TRMT61A: variants seen among roughly 807,000 people sequenced by gnomAD.
TRMT61A encodes the protein tRNA (adenine(58)-N(1))-methyltransferase catalytic subunit TRMT61A.
A neutral mutation model predicts 21.3 loss-of-function variants in TRMT61A; 15 were observed. The ratio of observed to expected loss-of-function variants is 0.70; its 90% CI spans 0.47 to 1.08. TRMT61A has a LOEUF of 1.08. Among genes scored for constraint, TRMT61A ranks in the 50% least tolerant of loss-of-function variants. The probability of loss-of-function intolerance (pLI) is 0.00; values close to 1 mark genes in which losing one functional copy is unlikely to be tolerated. For missense variants in TRMT61A, 352 were observed against 426.7 expected (o/e 0.83, Z 1.54); for synonymous variants, 183 against 185.5 (o/e 0.99, Z 0.11).
chr14:103,534,529 C>A, intron 3 of TRMT61A, 21 bp from the exon 4 acceptor site: 1 of 1,541,320 alleles, frequency 6.5e-7, no homozygotes, highest in Non-Finnish European at 8.8e-7. Context: ...CCCTCTGACC[C>A]TCGGGTCCTG....
In TRMT61A at chr14:103,530,197, C is replaced by G. The variant is rs747027582; in HGVS notation, c.219C>G (p.Pro73=). 23 of 1,612,286 alleles carry G rather than the reference C, an allele frequency of 1.4e-5. No individual in the cohort carries two copies. Among genetic ancestry groups the G allele is most frequent in the African/African-American group, 2.7e-5 (2 of 74,936 alleles). Residue 73 remains proline, a synonymous_variant, in exon 2 of 4, where the codon CCC becomes CCG. Transcript: ENST00000389749. ...GGWVYVLHPT[P]ELWTLNLPHR... ...GGGTGTATGTGCTGCACCCCACGCC[C>G]GAGCTCTGGACGCTGAACCTGCCGC...
chr14:103,529,297 G>C, intron 1 of TRMT61A, 36 bp downstream of exon 1: 1 of 245,338 alleles, frequency 4.1e-6, no homozygotes, highest in South Asian at 3.2e-5. Flanking sequence ...GCAGGGCGCG[G>C]GTGAGGGTGA....
chr14:103,535,201 C>T lies in TRMT61A; in HGVS notation c.*380C>T, dbSNP rs140748324. 1.6e-3 allele frequency: 810 copies of T among 496,552 alleles called. 5 individuals carry two copies. Among genetic ancestry groups the T allele is most frequent in the African/African-American group, 0.014 (733 of 52,012 alleles). 30.8% of individuals were successfully genotyped at this position (496,552 alleles called of 1,614,324 possible). A position where few individuals can be genotyped will look rare whatever the true frequency, so the allele number is the denominator to read the frequency against. ...GAGGGGGGCATTGACCCTGAGACCA[C>T]GCTGCGTCTGACCCCTGGGCCCCCA... On this transcript the variant is annotated 3_prime_UTR_variant, in exon 4 of 4. Coordinates refer to ENST00000389749, the MANE Select transcript of TRMT61A (RefSeq NM_152307.3).
At chr14:103,533,723 C>T (rs937266197) in intron 3 of TRMT61A, among the ~76,000 whole-genome samples, 2 of 152,220 alleles carry the variant, frequency 1.3e-5, no homozygotes, top group African/African-American at 4.8e-5. Context: ...CTGCGAGCTC[C>T]CCCTTCTGGG....
intron 2 of TRMT61A, among the ~76,000 whole-genome samples, chr14:103,530,794 G>T (rs1347563115): frequency 1.3e-5 from 2 of 152,220 alleles, no homozygotes; most frequent in Non-Finnish European, 1.5e-5. Context: ...TGAGTCCAGG[G>T]CCTGGGCTGT....
In TRMT61A at chr14:103,535,343, T is replaced by C. The variant is rs1274100491; in HGVS notation, c.*522T>C. 1 of 456,468 alleles carries C rather than the reference T, an allele frequency of 2.2e-6. No individual in the cohort carries two copies. Among genetic ancestry groups the C allele is most frequent in the Non-Finnish European group, 4.4e-6 (1 of 226,984 alleles). 28.3% of individuals were successfully genotyped at this position (456,468 alleles called of 1,614,324 possible). A position where few individuals can be genotyped will look rare whatever the true frequency, so the allele number is the denominator to read the frequency against. On this transcript the variant is annotated 3_prime_UTR_variant, in exon 4 of 4. Coordinates refer to ENST00000389749, the MANE Select transcript of TRMT61A (RefSeq NM_152307.3). Reference sequence around the variant, plus strand: ...CTGACCCAGAATCCCTGCCCTGCTCTCCCCAGCGCTAGGAGACCAGGCCAG... The same window carrying C: ...CTGACCCAGAATCCCTGCCCTGCTCCCCCCAGCGCTAGGAGACCAGGCCAG...
chr14:103,533,007 GC>G (rs912772205), intron 3 of TRMT61A, among the ~76,000 whole-genome samples, 159 bp downstream of exon 3: 4 of 152,370 alleles, frequency 2.6e-5, no homozygotes, highest in Non-Finnish European at 5.9e-5. Flanking sequence ...AGTGGGTCAG[GC>G]TGGCCAGGGG....
chr14:103,530,883 C>G (rs758233551), intron 2 of TRMT61A, among the ~76,000 whole-genome samples: 1 of 152,248 alleles, frequency 6.6e-6, no homozygotes, highest in Non-Finnish European at 1.5e-5. Context: ...GGCGCTGATG[C>G]ATCTAGGTTG....
chr14:103,530,588 A>T (rs895074623), intron 2 of TRMT61A, among the ~76,000 whole-genome samples: 1 of 152,194 alleles, frequency 6.6e-6, no homozygotes, highest in Non-Finnish European at 1.5e-5. Flanking sequence ...GGGCGTGGCC[A>T]GCTTGATGCT....
chr14:103,532,487 G>A, intron 2 of TRMT61A, 95 bp from the exon 3 acceptor site: 3 of 1,469,496 alleles, frequency 2.0e-6, no homozygotes, highest in East Asian at 2.3e-5. Flanking sequence ...AGCCCTGTGT[G>A]GGTCTCCAGG....
At chr14:103,533,025 A>G (rs2142240289) in intron 3 of TRMT61A, among the ~76,000 whole-genome samples, 177 bp downstream of exon 3, 1 of 152,322 alleles carries the variant, frequency 6.6e-6, no homozygotes, top group South Asian at 2.1e-4. Context: ...GGGGAGGCAG[A>G]GCTGGGGAGG....
intron 3 of TRMT61A, among the ~76,000 whole-genome samples, chr14:103,533,311 C>T (rs977334938): frequency 1.3e-5 from 2 of 152,220 alleles, no homozygotes; most frequent in African/African-American, 2.4e-5. Flanking sequence ...TTTCCCTTTT[C>T]TGGAGAAGGA....
Position 103,535,053 on chromosome 14 carries a change from T to G in TRMT61A, c.*232T>G, listed in dbSNP as rs1463168716. ...CAGCCCTGTGGCCCATCCCAGCTGCTGTTTGTTGCCAATATGAAGTATCCA... is the reference window on the plus strand; with the variant it reads ...CAGCCCTGTGGCCCATCCCAGCTGCGGTTTGTTGCCAATATGAAGTATCCA... On this transcript the variant is annotated 3_prime_UTR_variant, in exon 4 of 4. Transcript: ENST00000389749. The G allele has an allele frequency of 4.2e-6, 3 of 708,888 alleles. No homozygotes were observed. The highest frequency in any genetic ancestry group is 7.6e-6 in the Non-Finnish European group (3 of 392,224). The allele number at this position is 708,888 out of a possible 1,614,324, so 43.9% of individuals were successfully genotyped here. A position where few individuals can be genotyped will look rare whatever the true frequency, so the allele number is the denominator to read the frequency against.
In TRMT61A at chr14:103,532,829, G is replaced by T; in HGVS notation, c.579G>T (p.Trp193Cys). 6.4e-7 allele frequency: 1 copy of T among 1,559,358 alleles called. No homozygotes were observed. The highest frequency in any genetic ancestry group is 8.7e-7 in the Non-Finnish European group (1 of 1,151,856). Reference protein sequence around the residue: ...PSPWEAVGHAWDALKVEGGRF... With the variant: ...PSPWEAVGHACDALKVEGGRF... Reference sequence around the variant, plus strand: ...CCTGGGAGGCCGTGGGCCACGCCTGGGACGCCCTCAAGGTCGAAGGTGCAT... The same window carrying T: ...CCTGGGAGGCCGTGGGCCACGCCTGTGACGCCCTCAAGGTCGAAGGTGCAT... The change falls in exon 3 of 4, where the codon TGG becomes TGT. Residue 193 changes from tryptophan (W) to cysteine (C), a missense_variant. Coordinates refer to ENST00000389749, the MANE Select transcript of TRMT61A (RefSeq NM_152307.3).
chr14:103,536,733 A>G lies in TRMT61A; in HGVS notation c.*1912A>G, dbSNP rs2296486. 42,433 of 152,156 alleles carry G rather than the reference A, an allele frequency of 0.28. 6,741 individuals are homozygous for G. The highest frequency in any genetic ancestry group is 0.45 in the Middle Eastern group (131 of 292). The allele number at this position is 152,156 out of a possible 1,614,324, so 9.4% of individuals were successfully genotyped here. A position where few individuals can be genotyped will look rare whatever the true frequency, so the allele number is the denominator to read the frequency against. ...TCTTTGAGGCGCAGCTCCATGGTTT[A>G]TAGGACACATAGGCCTCAGGCACCG... is the stretch of plus-strand genomic sequence containing the variant. On this transcript the variant is annotated 3_prime_UTR_variant, in exon 4 of 4. Transcript: ENST00000389749.
In TRMT61A at chr14:103,534,670, T is replaced by C; in HGVS notation, c.719T>C (p.Val240Ala). 1.2e-6 allele frequency: 2 copies of C among 1,610,828 alleles called. No individual in the cohort carries two copies. Among genetic ancestry groups the C allele is most frequent in the Non-Finnish European group, 1.7e-6 (2 of 1,179,676 alleles). The change falls in exon 4 of 4, where the codon GTG becomes GCG. Residue 240 changes from valine to alanine, a missense_variant. By Grantham distance (64) the Val-to-Ala change is moderately conservative (BLOSUM62 0). Coordinates refer to ENST00000389749, the MANE Select transcript of TRMT61A (RefSeq NM_152307.3). Reference sequence around the variant, plus strand: ...GAGGTGCTGCCACAGGTCTACAACGTGCGCACTGTCAGCCTGCCACCGCCC... The same window carrying C: ...GAGGTGCTGCCACAGGTCTACAACGCGCGCACTGTCAGCCTGCCACCGCCC... ...TLEVLPQVYN[V>A]RTVSLPPPDL... is the part of the protein sequence containing the mutation.
rs1284348622 is a variant in TRMT61A at position 103,530,308 on chromosome 14, T to C, written c.330T>C (p.Ser110=). ...ELRPGSVVCE[S]GTGSGSVSHA... ...GGCCCGGCTCTGTGGTCTGTGAGTCTGGTGAGTTCCTCAGGCTGCCTCAGT... is the reference window on the plus strand; with the variant it reads ...GGCCCGGCTCTGTGGTCTGTGAGTCCGGTGAGTTCCTCAGGCTGCCTCAGT... Residue 110 remains serine (S), a splice_region_variant and synonymous_variant, in exon 2 of 4, where the codon TCT becomes TCC. Coordinates refer to ENST00000389749, the MANE Select transcript of TRMT61A (RefSeq NM_152307.3). 2 of 1,580,020 alleles carry C rather than the reference T, an allele frequency of 1.3e-6. No individual in the cohort carries two copies. Among genetic ancestry groups the C allele is most frequent in the Non-Finnish European group, 1.7e-6 (2 of 1,154,652 alleles).
rs902556032 is a variant in TRMT61A at position 103,534,575 on chromosome 14, G to A, written c.624G>A (p.Pro208=). ...VEGGRFCSFS[P]CIEQVQRTCQ... ...GCGGGCGCTTCTGCTCCTTCTCACC[G>A]TGCATCGAGCAGGTGCAACGCACAT... Residue 208 remains proline, a synonymous_variant, in exon 4 of 4, where the codon CCG becomes CCA. Coordinates refer to ENST00000389749, the MANE Select transcript of TRMT61A (RefSeq NM_152307.3). 6.3e-6 allele frequency: 10 copies of A among 1,576,510 alleles called. No individual in the cohort carries two copies. Among genetic ancestry groups the A allele is most frequent in the South Asian group, 4.6e-5 (4 of 87,556 alleles).
Position 103,529,271 on chromosome 14 carries a change from C to CGCGGGGTACAGGGTG in TRMT61A, c.-30+13_-30+27dup, listed in dbSNP as rs773430602. 6.1e-4 allele frequency: 194 copies of CGCGGGGTACAGGGTG among 317,608 alleles called. 3 individuals are homozygous for CGCGGGGTACAGGGTG. Among genetic ancestry groups the CGCGGGGTACAGGGTG allele is most frequent in the South Asian group, 4.2e-3 (191 of 45,992 alleles). The allele number at this position is 317,608 out of a possible 1,614,324, so 19.7% of individuals were successfully genotyped here. The stretch of plus-strand genomic sequence containing the variant: ...AGCAGGAGCGTCGCAGGTGAGACTC[C>CGCGGGGTACAGGGTG]GCGGGGTACAGGGTGGCAGGGCGCG... On this transcript the variant is annotated intron_variant, in intron 1 of 3. Coordinates refer to ENST00000389749, the MANE Select transcript of TRMT61A (RefSeq NM_152307.3).
Sources: allele counts gnomAD v4.1 joint callset (sites outside exome capture counted in the v4.1 genomes callset), GRCh38; gene constraint gnomAD v4.1.1; transcripts MANE v1.5; gene names NCBI Gene and HGNC (gene_info 2026-07-23, HGNC 2026-07-21).